The following NR6A1 variants were observed in gnomAD, a reference collection of about 807,000 sequenced individuals.
NR6A1 encodes retinoic acid receptor-related testis-associated receptor.
In NR6A1, 7 loss-of-function variants were observed where a neutral mutation model predicts 59.1. The ratio of observed to expected loss-of-function variants is 0.12; its 90% CI spans 0.07 to 0.22. The LOEUF (loss-of-function observed/expected upper bound fraction) is 0.22. Ranked by LOEUF, NR6A1 falls within the 10% of genes least tolerant of loss-of-function variation. NR6A1 has a pLI of 1.00. For synonymous variants in NR6A1, 243 were observed against 236.1 expected, an observed-to-expected ratio of 1.03 and a Z score of -0.27; for missense variants, 468 against 611.6, an observed-to-expected ratio of 0.77 and a Z score of 2.48.
intron 2 of NR6A1, among the ~76,000 whole-genome samples, chr9:124,712,333 GTGTAA>G (rs1839301215): frequency 6.6e-6 from 1 of 152,294 alleles, no homozygotes; most frequent in Middle Eastern, 3.4e-3. Context: ...TGGAGGCTGG[GTGTAA>G]TGGCTCACAC....
chr9:124,622,029 C>T (rs1836091717), intron 2 of NR6A1, among the ~76,000 whole-genome samples: 1 of 152,128 alleles, frequency 6.6e-6, no homozygotes, highest in African/African-American at 2.4e-5. Context: ...GCCTGGGAAA[C>T]ATGGTGAAAC....
intron 2 of NR6A1, among the ~76,000 whole-genome samples, chr9:124,566,774 A>G (rs1300308240): frequency 6.6e-6 from 1 of 152,228 alleles, no homozygotes; most frequent in African/African-American, 2.4e-5. Context: ...AAAATTGGAA[A>G]ACAAAAGCTG....
At chr9:124,527,798 G>A (rs1564164300) in intron 7 of NR6A1, among the ~76,000 whole-genome samples, 1 of 152,186 alleles carries the variant, frequency 6.6e-6, no homozygotes, top group Non-Finnish European at 1.5e-5. Context: ...TTTAGGCAAC[G>A]GAGCCCCAGG....
At chr9:124,681,330 CAT>C (rs1838148209) in intron 2 of NR6A1, among the ~76,000 whole-genome samples, 1 of 139,832 alleles carries the variant, frequency 7.2e-6, no homozygotes, top group African/African-American at 2.6e-5. Context: ...CCAATGATAA[CAT>C]TTGAGCTTTT....
chr9:124,613,089 C>A (rs1835800682), intron 2 of NR6A1, among the ~76,000 whole-genome samples: 1 of 152,110 alleles, frequency 6.6e-6, no homozygotes, highest in African/African-American at 2.4e-5. Context: ...GTAATCCCAG[C>A]CTTTGGGAGG....
chr9:124,654,058 G>A (rs1304409808), intron 2 of NR6A1, among the ~76,000 whole-genome samples: 1 of 152,142 alleles, frequency 6.6e-6, no homozygotes, highest in African/African-American at 2.4e-5. Flanking sequence ...AGAAGCTCTC[G>A]TTGAACAAAC....
At chr9:124,623,340 A>G (rs1836134370) in intron 2 of NR6A1, among the ~76,000 whole-genome samples, 1 of 151,934 alleles carries the variant, frequency 6.6e-6, no homozygotes, top group African/African-American at 2.4e-5. Flanking sequence ...TGTATGTCTC[A>G]TGAGTCCAAT....
chr9:124,650,992 T>C (rs1837083912), intron 2 of NR6A1, among the ~76,000 whole-genome samples: 1 of 152,074 alleles, frequency 6.6e-6, no homozygotes, highest in African/African-American at 2.4e-5. Context: ...AAATAGGTAA[T>C]AGAAAGAAAG....
intron 2 of NR6A1, among the ~76,000 whole-genome samples, chr9:124,610,791 C>T (rs1690146294): frequency 6.6e-6 from 1 of 152,156 alleles, no homozygotes; most frequent in South Asian, 2.1e-4. Context: ...CATTATCGGT[C>T]TATTCAGGGA....
At chr9:124,768,413 T>C (rs1165601066) in intron 1 of NR6A1, among the ~76,000 whole-genome samples, 2 of 152,248 alleles carry the variant, frequency 1.3e-5, no homozygotes, top group Non-Finnish European at 2.9e-5. Context: ...AAAAAAATTT[T>C]TGGCAATTCT....
intron 2 of NR6A1, among the ~76,000 whole-genome samples, chr9:124,665,010 C>CAAA (rs59451556): frequency 0.025 from 337 of 13,734 alleles, 80 homozygotes; most frequent in African/African-American, 0.046. Flanking sequence ...CTTGTATCTC[C>CAAA]AAAAAAAAAA....
chr9:124,562,253 A>T (rs1834104592), intron 2 of NR6A1, among the ~76,000 whole-genome samples: 2 of 152,220 alleles, frequency 1.3e-5, no homozygotes, highest in African/African-American at 4.8e-5. Context: ...ATATCAGGCT[A>T]TGTTTTACCC....
intron 2 of NR6A1, among the ~76,000 whole-genome samples, chr9:124,582,051 G>A (rs566236374): frequency 3.3e-5 from 5 of 152,250 alleles, no homozygotes; most frequent in South Asian, 2.1e-4. Flanking sequence ...AATACCATTC[G>A]ACCCAGCAAT....
chr9:124,741,589 G>A (rs541593855), intron 1 of NR6A1, among the ~76,000 whole-genome samples: 1 of 152,244 alleles, frequency 6.6e-6, no homozygotes, highest in African/African-American at 2.4e-5. Context: ...TGGTTAAAAT[G>A]GTAAATTTTA....
intron 2 of NR6A1, among the ~76,000 whole-genome samples, chr9:124,628,948 C>G (rs1836339732): frequency 6.6e-6 from 1 of 152,252 alleles, no homozygotes; most frequent in Admixed American, 6.5e-5. Flanking sequence ...GCGCGAGCCA[C>G]CGCCCCCGGC....
Position 124,623,829 on chromosome 9 carries a change from TG to T in NR6A1, c.143-69260del, listed in dbSNP as rs1836154323. On this transcript the variant is annotated intron_variant, in intron 2 of 9. Transcript: ENST00000487099. ...CTTAGACCAGAAAGTTAAAGAAGAA[TG>T]GATGTCTAACCACCCACTAACATCT... 2.6e-5 allele frequency among the ~76,000 whole-genome samples: 4 copies of T among 152,210 alleles called. No individual in the cohort carries two copies. The South Asian group carries it at 8.3e-4, about 32-fold the overall frequency.
intron 2 of NR6A1, among the ~76,000 whole-genome samples, chr9:124,609,291 T>G (rs1835671818): frequency 1.3e-5 from 2 of 152,192 alleles, no homozygotes; most frequent in Admixed American, 6.5e-5. Flanking sequence ...TTGTCTATGA[T>G]GTAAGGAAGG....
At chr9:124,564,545 T>C (rs554735638) in intron 2 of NR6A1, among the ~76,000 whole-genome samples, 47 of 152,224 alleles carry the variant, frequency 3.1e-4, no homozygotes, top group Non-Finnish European at 5.3e-4. Context: ...AATATACTTA[T>C]TTAATATAAA....
At chr9:124,601,137 A>G (rs1835434331) in intron 2 of NR6A1, among the ~76,000 whole-genome samples, 1 of 151,964 alleles carries the variant, frequency 6.6e-6, no homozygotes, top group Admixed American at 6.6e-5. Flanking sequence ...TTAGCCAGGC[A>G]TGGTGGCACA....
Sources: allele counts gnomAD v4.1 joint callset (sites outside exome capture counted in the v4.1 genomes callset), GRCh38; gene constraint gnomAD v4.1.1; transcripts MANE v1.5; gene names NCBI Gene and HGNC (gene_info 2026-07-23, HGNC 2026-07-21).